NRXN1: variants seen among roughly 807,000 people sequenced by gnomAD.
The protein encoded by NRXN1 is neurexin 1.
Under a neutral mutation model 150.9 loss-of-function variants are expected in NRXN1, and 39 were observed. The observed-to-expected ratio is 0.26, with a 90% confidence interval of 0.20 to 0.34. The LOEUF is 0.34. Among genes scored for constraint, NRXN1 ranks in the 10% least tolerant of loss-of-function variants. The pLI is 1.00. For synonymous variants in NRXN1, 924 were observed against 757.0 expected, an observed-to-expected ratio of 1.22 and a Z score of -3.62; for missense variants, 1,815 against 1,949.9, an observed-to-expected ratio of 0.93 and a Z score of 1.30.
intron 11 of NRXN1, 45 bp downstream of exon 11, chr2:50,531,182 A>G: frequency 6.5e-7 from 1 of 1,527,382 alleles, no homozygotes. Context: ...AAATTGAACA[A>G]AAAGTAAAAA....
chr2:50,254,057 G>T (rs2067437860), intron 17 of NRXN1, among the ~76,000 whole-genome samples: 1 of 151,848 alleles, frequency 6.6e-6, no homozygotes, highest in Non-Finnish European at 1.5e-5. Flanking sequence ...GCTTCTTTTG[G>T]TTGGTAGGCT....
At chr2:50,649,292 A>ACG (rs1685263762) in intron 5 of NRXN1, among the ~76,000 whole-genome samples, 2 of 151,334 alleles carry the variant, frequency 1.3e-5, no homozygotes, top group Admixed American at 6.6e-5. Context: ...ACACACACAC[A>ACG]CACAAAGAAA....
At chr2:51,031,611 T>C (rs573009508) in intron 1 of NRXN1, among the ~76,000 whole-genome samples, 1 of 152,286 alleles carries the variant, frequency 6.6e-6, no homozygotes, top group East Asian at 1.9e-4. Context: ...CAGTGCAGTT[T>C]CTTGGAGCTC....
At chr2:50,918,465 TATG>T (rs1416764944) in intron 5 of NRXN1, 2 of 339,406 alleles carry the variant, frequency 5.9e-6, no homozygotes, top group East Asian at 7.8e-5. Context: ...TAATTACAAT[TATG>T]ATGACTTATG....
At chr2:50,284,765 C>G (rs1461641866) in intron 17 of NRXN1, among the ~76,000 whole-genome samples, 2 of 152,048 alleles carry the variant, frequency 1.3e-5, no homozygotes, top group African/African-American at 4.8e-5. Flanking sequence ...AATTGTCATA[C>G]AAAATTTATA....
At chr2:50,460,871 A>G (rs937814460) in intron 17 of NRXN1, among the ~76,000 whole-genome samples, 1 of 152,072 alleles carries the variant, frequency 6.6e-6, no homozygotes, top group Non-Finnish European at 1.5e-5. Context: ...AAGATTCATC[A>G]TACTCACAAA....
rs987995129 is a variant in NRXN1, at chr2:50,552,486, T to C, written c.1759+101A>G. Reference sequence around the variant, plus strand: ...ATTTCTTTTAGGCTAAAGAAACAAATGCAGGAAGTCTTTAATATGTCTTGG... The same window carrying C: ...ATTTCTTTTAGGCTAAAGAAACAAACGCAGGAAGTCTTTAATATGTCTTGG... On this transcript the variant is annotated intron_variant, in intron 9 of 22. Transcript: ENST00000401669. 10 of 835,720 alleles carry C rather than the reference T, an allele frequency of 1.2e-5. No individual in the cohort carries two copies. The East Asian group carries it at 1.2e-4, about 10-fold the overall frequency. The allele number at this position is 835,720 out of a possible 1,614,324, so 51.8% of individuals were successfully genotyped here.
At chr2:50,634,813 T>A (rs1682995345) in intron 5 of NRXN1, among the ~76,000 whole-genome samples, 1 of 152,166 alleles carries the variant, frequency 6.6e-6, no homozygotes, top group Non-Finnish European at 1.5e-5. Flanking sequence ...AGAGCAGTGG[T>A]TATTCATATA....
chr2:50,688,437 T>G (rs539269847), intron 5 of NRXN1, among the ~76,000 whole-genome samples: 2 of 152,180 alleles, frequency 1.3e-5, no homozygotes, highest in Non-Finnish European at 2.9e-5. Context: ...ACTCTTTTTA[T>G]GTCCTCTCTC....
intron 2 of NRXN1, among the ~76,000 whole-genome samples, chr2:50,969,803 G>A (rs1196606379): frequency 6.6e-6 from 1 of 152,104 alleles, no homozygotes; most frequent in African/African-American, 2.4e-5. Flanking sequence ...AAATCAAATT[G>A]CAAAGTTGAT....
rs57580154 is a variant in NRXN1, at chr2:50,026,859, C to CTTTTTTTTTTTTTTTTTTTT, written c.4128+26392_4128+26411dup. Among the ~76,000 whole-genome samples, 7 of 65,234 alleles carry CTTTTTTTTTTTTTTTTTTTT rather than the reference C, an allele frequency of 1.1e-4. 2 individuals are homozygous for CTTTTTTTTTTTTTTTTTTTT. The highest frequency in any genetic ancestry group is 1.3e-4 in the Non-Finnish European group (5 of 37,422). 42.8% of individuals were successfully genotyped at this position (65,234 alleles called of 152,430 possible). A position where few individuals can be genotyped will look rare whatever the true frequency, so the allele number is the denominator to read the frequency against. On this transcript the variant is annotated intron_variant, in intron 21 of 22. Transcript: ENST00000401669. Reference sequence around the variant, plus strand: ...TTGCATTGTTTAAGTCTTTTCTTTTCTTTTTTTTTTTTTTTTTTTTTTTTT... The same window carrying CTTTTTTTTTTTTTTTTTTTT: ...TTGCATTGTTTAAGTCTTTTCTTTTCTTTTTTTTTTTTTTTTTTTTTTTTTTTTTTTTTTTTTTTTTTTTT...
At chr2:50,641,049 T>C (rs1332836390) in intron 5 of NRXN1, among the ~76,000 whole-genome samples, 1 of 152,154 alleles carries the variant, frequency 6.6e-6, no homozygotes, top group Non-Finnish European at 1.5e-5. Context: ...TAGGCTCATC[T>C]TTCTTTAACA....
At chr2:50,574,529 G>C (rs569037340) in intron 8 of NRXN1, among the ~76,000 whole-genome samples, 1 of 152,166 alleles carries the variant, frequency 6.6e-6, no homozygotes, top group Non-Finnish European at 1.5e-5. Flanking sequence ...GAAGAGGTGA[G>C]ATGCATACAT....
rs201720955 is a variant in NRXN1 at position 50,091,388 on chromosome 2, G to A, written c.3653C>T (p.Thr1218Met). Residue 1218 changes from threonine (T) to methionine (M), a missense_variant, in exon 19 of 23, where the codon ACG becomes ATG. Transcript: ENST00000401669. The part of the protein sequence containing the change: ...NDGKYHVVRF[T>M]RSGGNATLQV... ...CAACGTGGCATTGCCACCACTCCTC[G>A]TGAAACGAACTACATGGTATTTCCC... is the stretch of plus-strand genomic sequence containing the variant. 3.5e-5 allele frequency: 56 copies of A among 1,614,042 alleles called. No individual in the cohort carries two copies. Among genetic ancestry groups the A allele is most frequent in the African/African-American group, 5.3e-5 (4 of 74,932 alleles).
chr2:49,975,626 T>C (rs929166586), intron 21 of NRXN1, among the ~76,000 whole-genome samples: 7 of 152,222 alleles, frequency 4.6e-5, no homozygotes, highest in African/African-American at 1.7e-4. Context: ...TCATGTGTTT[T>C]TTTCTATTTA....
chr2:51,022,057 G>A (rs970998738), intron 2 of NRXN1, among the ~76,000 whole-genome samples: 8 of 151,940 alleles, frequency 5.3e-5, no homozygotes, highest in Admixed American at 3.3e-4. Flanking sequence ...TGAAACTTTA[G>A]GCAGGTAATG....
intron 12 of NRXN1, among the ~76,000 whole-genome samples, chr2:50,511,409 T>C (rs985136016): frequency 6.6e-6 from 1 of 152,214 alleles, no homozygotes. Context: ...TGATTTAGAA[T>C]GAATTTCTCA....
intron 21 of NRXN1, among the ~76,000 whole-genome samples, chr2:50,004,166 T>C (rs1455044977): frequency 6.6e-6 from 1 of 152,042 alleles, no homozygotes; most frequent in Admixed American, 6.6e-5. Flanking sequence ...GAAAGTCTTG[T>C]AGTTATTTTA....
At chr2:49,961,837 T>A (rs1346532615) in intron 21 of NRXN1, among the ~76,000 whole-genome samples, 1 of 152,204 alleles carries the variant, frequency 6.6e-6, no homozygotes, top group African/African-American at 2.4e-5. Context: ...GATCAAATTA[T>A]ATGGTGTGAC....
Sources: gnomAD v4.1 joint callset for allele counts (sites outside exome capture counted in the v4.1 genomes callset) on GRCh38, gnomAD v4.1.1 for gene constraint, MANE v1.5 for transcripts, NCBI Gene and HGNC (gene_info 2026-07-23, HGNC 2026-07-21) for gene names.